HS6ST3: variants seen among roughly 807,000 people sequenced by gnomAD.
HS6ST3 encodes the protein heparan sulfate 6-O-sulfotransferase 3, also known as heparan-sulfate 6-O-sulfotransferase 3.
HS6ST3 carries 12 observed loss-of-function variants against 36.7 expected under a neutral mutation model. That is an observed-to-expected ratio of 0.33 (90% CI 0.21 to 0.53). HS6ST3 has a LOEUF of 0.53. HS6ST3 is among the 20% of genes least tolerant of loss of function. The pLI, the probability that HS6ST3 is intolerant of heterozygous loss-of-function variation, is 0.95. For synonymous variants in HS6ST3, 240 were observed against 257.5 expected (o/e 0.93, Z 0.65); for missense variants, 584 against 640.9 (o/e 0.91, Z 0.96).
intron 1 of HS6ST3, among the ~76,000 whole-genome samples, chr13:96,221,872 G>A (rs2054457273): frequency 6.6e-6 from 1 of 152,282 alleles, no homozygotes; most frequent in Non-Finnish European, 1.5e-5. Context: ...TGTCACTTTA[G>A]CATGGATGAC....
intron 1 of HS6ST3, among the ~76,000 whole-genome samples, chr13:96,462,501 A>T (rs1173645355): frequency 6.6e-6 from 1 of 152,206 alleles, no homozygotes; most frequent in Admixed American, 6.5e-5. Flanking sequence ...TCTATACAAA[A>T]CCTACAATAA....
At chr13:96,719,106 C>T (rs1021599092) in intron 1 of HS6ST3, among the ~76,000 whole-genome samples, 4 of 151,988 alleles carry the variant, frequency 2.6e-5, no homozygotes, top group African/African-American at 7.2e-5. Flanking sequence ...AACCCCATCT[C>T]GACTAAAAAT....
chr13:96,286,035 C>G (rs552742340), intron 1 of HS6ST3, among the ~76,000 whole-genome samples: 50 of 144,824 alleles, frequency 3.5e-4, no homozygotes, highest in Middle Eastern at 7.0e-3. Flanking sequence ...TCCTGCCTCT[C>G]TTTCTCTTCC....
At chr13:96,111,804 C>G (rs888584468) in intron 1 of HS6ST3, among the ~76,000 whole-genome samples, 1 of 152,174 alleles carries the variant, frequency 6.6e-6, no homozygotes, top group East Asian at 1.9e-4. Flanking sequence ...TTAAGGATGA[C>G]TGTGACCTAC....
At chr13:96,695,084 T>A (rs1486884286) in intron 1 of HS6ST3, among the ~76,000 whole-genome samples, 2 of 152,202 alleles carry the variant, frequency 1.3e-5, no homozygotes, top group Non-Finnish European at 2.9e-5. Flanking sequence ...TGTAGTTTTT[T>A]AAAAAAATTA....
intron 1 of HS6ST3, among the ~76,000 whole-genome samples, chr13:96,366,565 T>G (rs535879375): frequency 2.0e-5 from 3 of 152,182 alleles, no homozygotes; most frequent in Admixed American, 2.0e-4. Flanking sequence ...AGGCTGGTGG[T>G]TCTCAATTTT....
At chr13:96,610,955 A>G (rs1296241979) in intron 1 of HS6ST3, among the ~76,000 whole-genome samples, 1 of 151,838 alleles carries the variant, frequency 6.6e-6, no homozygotes, top group South Asian at 2.1e-4. Flanking sequence ...TATCATGAAA[A>G]GCTCAAGGGT....
intron 1 of HS6ST3, among the ~76,000 whole-genome samples, chr13:96,701,636 A>G (rs1190700793): frequency 1.3e-5 from 2 of 152,118 alleles, no homozygotes; most frequent in Non-Finnish European, 2.9e-5. Context: ...TTATAATTTA[A>G]TGAGGGAGAT....
intron 1 of HS6ST3, among the ~76,000 whole-genome samples, chr13:96,713,554 T>G (rs1875619390): frequency 6.6e-6 from 1 of 152,168 alleles, no homozygotes; most frequent in African/African-American, 2.4e-5. Flanking sequence ...GTGGAGGAGA[T>G]TATGCTACTG....
intron 1 of HS6ST3, among the ~76,000 whole-genome samples, chr13:96,286,789 T>C (rs2054805593): frequency 6.6e-6 from 1 of 152,154 alleles, no homozygotes; most frequent in African/African-American, 2.4e-5. Flanking sequence ...ACTGGATATG[T>C]GGACTTTTGT....
chr13:96,832,389 C>T, intron 1 of HS6ST3, 101 bp from the exon 2 acceptor site: 1 of 818,096 alleles, frequency 1.2e-6, no homozygotes, highest in Non-Finnish European at 1.9e-6. Flanking sequence ...GAACATTTGG[C>T]AAAGAGTCCC....
intron 1 of HS6ST3, among the ~76,000 whole-genome samples, chr13:96,579,556 T>C (rs2056334112): frequency 6.6e-6 from 1 of 151,476 alleles, no homozygotes; most frequent in Non-Finnish European, 1.5e-5. Flanking sequence ...TAAACTTCTG[T>C]TGTGTTAAAA....
At chr13:96,173,669 TAA>T (rs5805954) in intron 1 of HS6ST3, among the ~76,000 whole-genome samples, 2,270 of 94,760 alleles carry the variant, frequency 0.024, 22 homozygotes, top group South Asian at 0.075. Flanking sequence ...TCACAGGTTG[TAA>T]AAAAAAAAAA....
intron 1 of HS6ST3, among the ~76,000 whole-genome samples, chr13:96,451,112 C>T (rs1192152737): frequency 6.6e-6 from 1 of 151,806 alleles, no homozygotes; most frequent in African/African-American, 2.4e-5. Context: ...TAGTATTACA[C>T]ATTAAAAATT....
intron 1 of HS6ST3, among the ~76,000 whole-genome samples, chr13:96,808,531 G>T (rs1300497695): frequency 6.6e-6 from 1 of 152,184 alleles, no homozygotes; most frequent in African/African-American, 2.4e-5. Flanking sequence ...CTAGCCCCAT[G>T]CTTGCTTTGG....
Position 96,161,252 on chromosome 13 carries a change from T to C in HS6ST3, c.707+69683T>C, listed in dbSNP as rs116759470. Among the ~76,000 whole-genome samples the C allele has an allele frequency of 9.3e-3, 1,416 of 152,270 alleles. 27 individuals carry two copies. Among genetic ancestry groups the C allele is most frequent in the African/African-American group, 0.033 (1,359 of 41,548 alleles). ...AAAGAGATAAGTACACTCACAGAGA[T>C]AGGAGACCTTATAGAGGCCCAGTTA... On this transcript the variant is annotated intron_variant, in intron 1 of 1. Coordinates refer to ENST00000376705, the MANE Select transcript of HS6ST3 (RefSeq NM_153456.4).
At chr13:96,307,509 A>G (rs1390646490) in intron 1 of HS6ST3, among the ~76,000 whole-genome samples, 2 of 152,118 alleles carry the variant, frequency 1.3e-5, no homozygotes. Context: ...ATATTTATTA[A>G]TATAATACAT....
At chr13:96,661,923 C>A (rs2056647770) in intron 1 of HS6ST3, among the ~76,000 whole-genome samples, 1 of 152,074 alleles carries the variant, frequency 6.6e-6, no homozygotes, top group South Asian at 2.1e-4. Flanking sequence ...AAATAGGATG[C>A]CAATTCCTTC....
chr13:96,112,578 A>AATATATAT lies in HS6ST3; in HGVS notation c.707+21046_707+21053dup, dbSNP rs59107741. Among the ~76,000 whole-genome samples the AATATATAT allele has an allele frequency of 2.0e-3, 160 of 81,104 alleles. 1 individual carries two copies. Among genetic ancestry groups the AATATATAT allele is most frequent in the African/African-American group, 3.0e-3 (62 of 20,502 alleles). 53.2% of individuals were successfully genotyped at this position (81,104 alleles called of 152,430 possible). A position where few individuals can be genotyped will look rare whatever the true frequency, so the allele number is the denominator to read the frequency against. Reference sequence around the variant, plus strand: ...TAAAACCCCATCTCTAAAATAAATAAATATATATATATATATATATATATA... The same window carrying AATATATAT: ...TAAAACCCCATCTCTAAAATAAATAAATATATATATATATATATATATATATATATATA... On this transcript the variant is annotated intron_variant, in intron 1 of 1. Coordinates refer to ENST00000376705, the MANE Select transcript of HS6ST3 (RefSeq NM_153456.4).
Sources: gnomAD v4.1 joint callset for allele counts (sites outside exome capture counted in the v4.1 genomes callset) on GRCh38, gnomAD v4.1.1 for gene constraint, MANE v1.5 for transcripts, NCBI Gene and HGNC (gene_info 2026-07-23, HGNC 2026-07-21) for gene names.